The following COPZ1 variants were observed in gnomAD, a reference collection of about 807,000 sequenced individuals.
COPZ1 encodes coatomer subunit zeta-1.
COPZ1 carries 4 observed loss-of-function variants against 31.7 expected under a neutral mutation model. That is an observed-to-expected ratio of 0.13 (90% confidence interval 0.06 to 0.29). The LOEUF is 0.29. COPZ1 is among the 10% of genes least tolerant of loss of function. The probability of loss-of-function intolerance (pLI) is 1.00; values close to 1 mark genes in which losing one functional copy is unlikely to be tolerated. For missense variants in COPZ1, 156 were observed against 211.5 expected, an observed-to-expected ratio of 0.74 and a Z score of 1.63; for synonymous variants, 74 against 79.0, an observed-to-expected ratio of 0.94 and a Z score of 0.33.
chr12:54,343,428 C>G (rs1391199392), intron 4 of COPZ1, 112 bp downstream of exon 4: 3 of 859,168 alleles, frequency 3.5e-6, no homozygotes, highest in African/African-American at 1.7e-5. Flanking sequence ...GGCTTCTGAC[C>G]AAGCTAATGA....
At chr12:54,329,871 T>G (rs1345678958) in intron 1 of COPZ1, among the ~76,000 whole-genome samples, 1 of 152,228 alleles carries the variant, frequency 6.6e-6, no homozygotes, top group Non-Finnish European at 1.5e-5. Context: ...TTGATGTTGC[T>G]CCTTGGCCTT....
At chr12:54,344,852 A>C (rs1954035498) in intron 4 of COPZ1, 1 of 151,826 alleles carries the variant, frequency 6.6e-6, no homozygotes, top group Non-Finnish European at 1.5e-5. Context: ...TCCCAGGCTC[A>C]AGTGATTCTA....
intron 2 of COPZ1, 123 bp downstream of exon 2, chr12:54,340,738 C>CT (rs35078728): frequency 0.2 from 181,678 of 892,566 alleles, 8,240 homozygotes; most frequent in South Asian, 0.32. Flanking sequence ...ATACTTCCAT[C>CT]TTTTTTTTTT....
chr12:54,327,851 A>T (rs1953682556), intron 1 of COPZ1, among the ~76,000 whole-genome samples: 3 of 152,218 alleles, frequency 2.0e-5, no homozygotes, highest in Admixed American at 2.0e-4. Context: ...GGAAGTTTTT[A>T]GACTTACCTA....
At chr12:54,344,529 G>A (rs1349894180) in intron 4 of COPZ1, 2 of 152,518 alleles carry the variant, frequency 1.3e-5, no homozygotes, top group Non-Finnish European at 2.9e-5. Flanking sequence ...AGTGAGCCGA[G>A]ATCATACCAC....
At chr12:54,336,375 A>G (rs893273793) in intron 1 of COPZ1, among the ~76,000 whole-genome samples, 35 of 151,734 alleles carry the variant, frequency 2.3e-4, no homozygotes, top group Non-Finnish European at 4.7e-4. Context: ...CCCCATCCCT[A>G]CTAAAAATAC....
intron 1 of COPZ1, among the ~76,000 whole-genome samples, chr12:54,333,967 A>G (rs1485750472): frequency 6.6e-6 from 1 of 152,118 alleles, no homozygotes; most frequent in African/African-American, 2.4e-5. Context: ...GTGTGGTGGC[A>G]TGTACCTGTA....
rs1592192175 is a variant in COPZ1, at chr12:54,325,171, C to T, written c.8C>T (p.Ala3Val). 7 of 1,562,214 alleles carry T rather than the reference C, an allele frequency of 4.5e-6. No individual in the cohort carries two copies. In the South Asian group the frequency reaches 8.3e-5, roughly 18 times the overall value. Reference sequence around the variant, plus strand: ...CACCAGCTGCGGGGCAAGATGGAGGCGCTGATTTTGGTAGGAGCTGGAGGG... The same window carrying T: ...CACCAGCTGCGGGGCAAGATGGAGGTGCTGATTTTGGTAGGAGCTGGAGGG... ME[A>V]LILEPSLYTV... is the part of the protein sequence containing the mutation. Residue 3 changes from alanine (A) to valine (V), a missense_variant, in exon 1 of 9, where the codon GCG becomes GTG. Physicochemically the swap from Ala to Val is moderately conservative, Grantham distance 64 (BLOSUM62 0). Coordinates refer to ENST00000262061, the MANE Select transcript of COPZ1 (RefSeq NM_016057.3).
At chr12:54,333,708 T>C (rs1486012847) in intron 1 of COPZ1, among the ~76,000 whole-genome samples, 8 of 152,074 alleles carry the variant, frequency 5.3e-5, no homozygotes, top group Non-Finnish European at 1.0e-4. Flanking sequence ...TTAGAGACAT[T>C]TTCTCCTGTA....
At chr12:54,346,585 C>G (rs1415614162) in intron 5 of COPZ1, 2 of 698,018 alleles carry the variant, frequency 2.9e-6, no homozygotes, top group African/African-American at 3.5e-5. Context: ...TTTTTGACTT[C>G]TAGTCCTTGT....
intron 2 of COPZ1, among the ~76,000 whole-genome samples, chr12:54,341,344 A>G (rs1243849370): frequency 6.6e-6 from 1 of 152,024 alleles, no homozygotes; most frequent in Non-Finnish European, 1.5e-5. Flanking sequence ...CCAACTTTAG[A>G]TCTGTTGGAA....
intron 7 of COPZ1, among the ~76,000 whole-genome samples, chr12:54,349,270 T>TA (rs1275727842): frequency 2.0e-5 from 3 of 152,142 alleles, no homozygotes; most frequent in Non-Finnish European, 2.9e-5. Context: ...TCCCTAGTGA[T>TA]ACTGATATTC....
intron 1 of COPZ1, among the ~76,000 whole-genome samples, chr12:54,338,794 A>T (rs1473511301): frequency 6.6e-6 from 1 of 152,196 alleles, no homozygotes; most frequent in Non-Finnish European, 1.5e-5. Flanking sequence ...TCAAGTAGGG[A>T]AAGCTTATGT....
chr12:54,349,333 G>A (rs1954110906), intron 7 of COPZ1, among the ~76,000 whole-genome samples: 1 of 152,122 alleles, frequency 6.6e-6, no homozygotes, highest in Non-Finnish European at 1.5e-5. Flanking sequence ...CACGTTAAGG[G>A]AGTTGAGGAT....
At chr12:54,339,301 C>CAA in intron 1 of COPZ1, among the ~76,000 whole-genome samples, 1 of 150,640 alleles carries the variant, frequency 6.6e-6, no homozygotes, top group South Asian at 2.1e-4. Context: ...TGTGAGGCTG[C>CAA]AAATACCTTT....
chr12:54,342,686 A>G (rs4326844), intron 3 of COPZ1: 130,754 of 198,002 alleles, frequency 0.66, 45,248 homozygotes, highest in African/African-American at 0.86. Flanking sequence ...GGGCAGGAAC[A>G]GAGGATGGTG....
chr12:54,325,978 C>G (rs539725598), intron 1 of COPZ1, among the ~76,000 whole-genome samples: 1 of 150,238 alleles, frequency 6.7e-6, no homozygotes, highest in East Asian at 1.9e-4. Context: ...GCCACCACGC[C>G]CGGCTATTTT....
intron 7 of COPZ1, 142 bp downstream of exon 7, chr12:54,348,193 C>A: frequency 1.5e-6 from 1 of 667,156 alleles, no homozygotes; most frequent in South Asian, 1.9e-5. Context: ...TTCAGCCTTT[C>A]TCTTCCCTTC....
chr12:54,334,911 CA>C (rs1953830103), intron 1 of COPZ1, among the ~76,000 whole-genome samples: 1 of 151,798 alleles, frequency 6.6e-6, no homozygotes, highest in Non-Finnish European at 1.5e-5. Context: ...CAGTGGCTCA[CA>C]CCTGTAATAT....
Sources: gnomAD v4.1 joint callset for allele counts (sites outside exome capture counted in the v4.1 genomes callset) on GRCh38, gnomAD v4.1.1 for gene constraint, MANE v1.5 for transcripts, NCBI Gene and HGNC (gene_info 2026-07-23, HGNC 2026-07-21) for gene names.